The following CBFA2T2 variants were observed in gnomAD, a reference collection of about 807,000 sequenced individuals.
CBFA2T2 encodes protein CBFA2T2.
CBFA2T2 carries 11 observed loss-of-function variants against 62.2 expected under a neutral mutation model. The observed-to-expected ratio is 0.18, with a 90% CI of 0.11 to 0.29. The LOEUF is 0.29. CBFA2T2 is among the 10% of genes least tolerant of loss of function. The pLI is 1.00. For missense variants in CBFA2T2, 592 were observed against 774.1 expected, an observed-to-expected ratio of 0.76 and a Z score of 2.79; for synonymous variants, 295 against 287.5, an observed-to-expected ratio of 1.03 and a Z score of -0.27.
intron 9 of CBFA2T2, chr20:33,639,624 A>G (rs1367792580): frequency 6.6e-6 from 1 of 151,160 alleles, no homozygotes; most frequent in African/African-American, 2.4e-5. Context: ...CCTCACCCCT[A>G]TAACACTTTA....
At chr20:33,513,932 G>A (rs745789999) in intron 1 of CBFA2T2, among the ~76,000 whole-genome samples, 2 of 150,932 alleles carry the variant, frequency 1.3e-5, no homozygotes, top group South Asian at 4.2e-4. Flanking sequence ...TTTGAGAGGG[G>A]GTCTTTTGCC....
intron 1 of CBFA2T2, among the ~76,000 whole-genome samples, chr20:33,495,829 G>T (rs1232150780): frequency 6.6e-6 from 1 of 152,114 alleles, no homozygotes; most frequent in Non-Finnish European, 1.5e-5. Context: ...TAACCTTCTT[G>T]TGCAGTTCAT....
chr20:33,628,371 A>G lies in CBFA2T2; in HGVS notation c.968A>G (p.Asp323Gly). Residue 323 changes from aspartate to glycine, a missense_variant, in exon 7 of 11, where the codon GAT becomes GGT. Physicochemically the swap from Asp to Gly is moderately conservative, Grantham distance 94. Transcript: ENST00000342704. ...ATAGGTCTAAATGGAGGCTATCAAGATGAGTTGGTAGATCATCGTTTGACA... is the reference window on the plus strand; with the variant it reads ...ATAGGTCTAAATGGAGGCTATCAAGGTGAGTTGGTAGATCATCGTTTGACA... ...HSLGLNGGYQ[D>G]ELVDHRLTER... is the part of the protein sequence containing the mutation. The G allele has an allele frequency of 6.2e-7, 1 of 1,612,424 alleles. No individual in the cohort carries two copies. Among genetic ancestry groups the G allele is most frequent in the Non-Finnish European group, 8.5e-7 (1 of 1,178,422 alleles).
intron 1 of CBFA2T2, among the ~76,000 whole-genome samples, chr20:33,547,776 T>C (rs2012623384): frequency 6.6e-6 from 1 of 151,634 alleles, no homozygotes; most frequent in Non-Finnish European, 1.5e-5. Flanking sequence ...GTGTATATTA[T>C]AAAAATCTGT....
chr20:33,535,713 G>A (rs1033483976), intron 1 of CBFA2T2, among the ~76,000 whole-genome samples: 6 of 144,090 alleles, frequency 4.2e-5, no homozygotes, highest in South Asian at 2.2e-4. Context: ...GGTGTTTCTC[G>A]CAGAGGGGGA....
chr20:33,522,498 T>C (rs894908348), intron 1 of CBFA2T2, among the ~76,000 whole-genome samples: 2 of 150,122 alleles, frequency 1.3e-5, no homozygotes, highest in African/African-American at 2.4e-5. Context: ...GAGGCCAAGG[T>C]GGGAGGATTG....
intron 1 of CBFA2T2, among the ~76,000 whole-genome samples, chr20:33,537,462 CAGAGGGAGACCGTGGAAAGAGAGGA>C (rs374385538): frequency 2.2e-4 from 33 of 152,314 alleles, no homozygotes; most frequent in African/African-American, 5.3e-4. Flanking sequence ...GGCTGGGCAT[CAGAGGGAGACCGTGGAAAGAGAGGA>C]AGAGGGAGAC....
chr20:33,585,519 G>A (rs2014326117), intron 1 of CBFA2T2, among the ~76,000 whole-genome samples: 1 of 152,132 alleles, frequency 6.6e-6, no homozygotes, highest in Non-Finnish European at 1.5e-5. Flanking sequence ...ACATTGACAT[G>A]CTGTTCCACC....
intron 1 of CBFA2T2, among the ~76,000 whole-genome samples, chr20:33,559,698 G>A (rs2013025807): frequency 1.3e-5 from 2 of 152,036 alleles, no homozygotes; most frequent in South Asian, 4.1e-4. Context: ...GTGTTGGCTA[G>A]GATGGTCTTG....
At chr20:33,643,962 T>A (rs1482363277) in intron 10 of CBFA2T2, among the ~76,000 whole-genome samples, 2 of 150,368 alleles carry the variant, frequency 1.3e-5, no homozygotes, top group Non-Finnish European at 3.0e-5. Flanking sequence ...GATAGATGGC[T>A]CTTGGGGGAG....
intron 8 of CBFA2T2, among the ~76,000 whole-genome samples, chr20:33,632,636 G>GTT (rs1260741221): frequency 1.4e-5 from 2 of 142,900 alleles, no homozygotes; most frequent in Non-Finnish European, 3.1e-5. Context: ...ACCCGGCTGA[G>GTT]TTTTTTTTTT....
At chr20:33,563,037 A>G (rs1485699487) in intron 1 of CBFA2T2, among the ~76,000 whole-genome samples, 1 of 152,216 alleles carries the variant, frequency 6.6e-6, no homozygotes, top group African/African-American at 2.4e-5. Flanking sequence ...CATAATACAA[A>G]TAGGCCATAT....
chr20:33,550,114 C>A (rs113472370), intron 1 of CBFA2T2, among the ~76,000 whole-genome samples: 1 of 152,030 alleles, frequency 6.6e-6, no homozygotes, highest in East Asian at 1.9e-4. Flanking sequence ...AATGTAATAA[C>A]GTTCTACATT....
At chr20:33,510,422 A>G (rs894134493) in intron 1 of CBFA2T2, among the ~76,000 whole-genome samples, 3 of 151,592 alleles carry the variant, frequency 2.0e-5, no homozygotes, top group Admixed American at 2.0e-4. Flanking sequence ...GTTGTTAGCC[A>G]GGATGGTCTC....
intron 8 of CBFA2T2, among the ~76,000 whole-genome samples, chr20:33,635,265 A>G (rs1601109374): frequency 6.6e-6 from 1 of 152,206 alleles, no homozygotes; most frequent in Non-Finnish European, 1.5e-5. Context: ...GTAACCTACA[A>G]TTTTTCAAAA....
intron 1 of CBFA2T2, among the ~76,000 whole-genome samples, chr20:33,590,802 C>A (rs2014583546): frequency 1.3e-5 from 2 of 152,084 alleles, no homozygotes. Flanking sequence ...CTGGGCCTTT[C>A]TTTGCGCTGG....
chr20:33,533,354 T>C (rs570770275), intron 1 of CBFA2T2, among the ~76,000 whole-genome samples: 38 of 152,308 alleles, frequency 2.5e-4, no homozygotes, highest in African/African-American at 9.1e-4. Flanking sequence ...TTAGTGTGCA[T>C]TTTATAGAAT....
At chr20:33,497,642 C>T (rs372202580) in intron 1 of CBFA2T2, among the ~76,000 whole-genome samples, 12 of 151,332 alleles carry the variant, frequency 7.9e-5, no homozygotes, top group African/African-American at 2.4e-4. Flanking sequence ...CTCTGCCTCC[C>T]GGGTTCCAGC....
chr20:33,510,274 T>C (rs976839380), intron 1 of CBFA2T2, among the ~76,000 whole-genome samples: 1 of 151,128 alleles, frequency 6.6e-6, no homozygotes, highest in African/African-American at 2.4e-5. Context: ...GCAGTGGCGC[T>C]ATCTTGGCTC....
Sources: allele counts gnomAD v4.1 joint callset (sites outside exome capture counted in the v4.1 genomes callset), GRCh38; gene constraint gnomAD v4.1.1; transcripts MANE v1.5; gene names NCBI Gene and HGNC (gene_info 2026-07-23, HGNC 2026-07-21).